The following VDAC1 variants were observed in gnomAD, a reference collection of about 807,000 sequenced individuals.
VDAC1 encodes voltage dependent anion channel 1, also known as non-selective voltage-gated ion channel VDAC1.
A neutral mutation model predicts 34.7 loss-of-function variants in VDAC1; 10 were observed. The ratio of observed to expected loss-of-function variants is 0.29; its 90% confidence interval spans 0.18 to 0.49. The LOEUF (loss-of-function observed/expected upper bound fraction) is 0.49, where lower values mean the gene tolerates loss of function less well. Ranked by LOEUF, VDAC1 falls within the 20% of genes least tolerant of loss-of-function variation. The pLI, the probability that VDAC1 is intolerant of heterozygous loss-of-function variation, is 0.99. For missense variants in VDAC1, 230 were observed against 347.9 expected (o/e 0.66, Z 2.69); for synonymous variants, 130 against 136.0 (o/e 0.96, Z 0.30).
the VDAC1 span, among the ~76,000 whole-genome samples, chr5:134,055,588 G>GTTTTTTTTTTTTTTTTTTTT: frequency 2.7e-4 from 16 of 59,612 alleles, 1 homozygote; most frequent in East Asian, 7.2e-4. Context: ...CCCCGCTAAT[G>GTTTTTTTTTTTTTTTTTTTT]TTTTTTTTTT....
chr5:133,996,497 A>G (rs537999839), intron 1 of VDAC1, among the ~76,000 whole-genome samples: 2 of 152,138 alleles, frequency 1.3e-5, no homozygotes, highest in Admixed American at 6.5e-5. Context: ...TTGGGGGTAC[A>G]CATCCTTCTT....
chr5:133,986,902 A>C (rs996644533), intron 5 of VDAC1, among the ~76,000 whole-genome samples: 3 of 152,258 alleles, frequency 2.0e-5, no homozygotes, highest in Admixed American at 1.3e-4. Flanking sequence ...AACTTGAGCG[A>C]CAAAATAAAT....
the VDAC1 span, among the ~76,000 whole-genome samples, chr5:134,048,105 C>A: frequency 6.6e-6 from 1 of 151,894 alleles, no homozygotes; most frequent in Non-Finnish European, 1.5e-5. Context: ...GTAGCTGGGA[C>A]TACAGGTGCC....
At chr5:134,020,775 CA>C in the VDAC1 span, among the ~76,000 whole-genome samples, 3 of 152,196 alleles carry the variant, frequency 2.0e-5, no homozygotes, top group African/African-American at 4.8e-5. Context: ...CTCCCGGGTT[CA>C]CGCCATTCTC....
chr5:133,977,070 G>C (rs368751182), intron 6 of VDAC1, among the ~76,000 whole-genome samples: 22 of 152,114 alleles, frequency 1.4e-4, no homozygotes, highest in East Asian at 1.3e-3. Context: ...AATAAAAAAT[G>C]TTATGGAAAG....
At chr5:134,083,275 G>A in the VDAC1 span, among the ~76,000 whole-genome samples, 11 of 147,028 alleles carry the variant, frequency 7.5e-5, no homozygotes, top group Non-Finnish European at 1.0e-4. Flanking sequence ...TGCAACTTCC[G>A]CCTCCTGGGT....
chr5:134,106,942 C>A, the VDAC1 span, among the ~76,000 whole-genome samples: 1 of 152,202 alleles, frequency 6.6e-6, no homozygotes, highest in Admixed American at 6.5e-5. Context: ...TAATCCCTCC[C>A]TCTGGTCTCT....
At chr5:134,043,196 G>A in the VDAC1 span, among the ~76,000 whole-genome samples, 1 of 152,236 alleles carries the variant, frequency 6.6e-6, no homozygotes, top group Admixed American at 6.5e-5. Context: ...AATCAATTTT[G>A]ACTGTCCAAG....
At chr5:134,062,452 T>C in the VDAC1 span, among the ~76,000 whole-genome samples, 3 of 151,948 alleles carry the variant, frequency 2.0e-5, no homozygotes, top group East Asian at 1.9e-4. Context: ...TGTGTATCTA[T>C]ATACAGTTTG....
chr5:134,084,605 T>C, the VDAC1 span, among the ~76,000 whole-genome samples: 1 of 152,248 alleles, frequency 6.6e-6, no homozygotes, highest in Non-Finnish European at 1.5e-5. Context: ...CCTGCTGTGG[T>C]TCCCATGGCT....
chr5:134,016,338 T>C, the VDAC1 span, among the ~76,000 whole-genome samples: 109 of 152,318 alleles, frequency 7.2e-4, no homozygotes, highest in Non-Finnish European at 1.4e-3. Flanking sequence ...AGAACTGGCC[T>C]GGGGCTGGAA....
chr5:133,979,399 T>C (rs1752599646), intron 6 of VDAC1, among the ~76,000 whole-genome samples: 1 of 149,592 alleles, frequency 6.7e-6, no homozygotes, highest in South Asian at 2.1e-4. Context: ...TAATTAAACA[T>C]ATAATAAAAT....
the VDAC1 span, among the ~76,000 whole-genome samples, chr5:134,053,528 A>C: frequency 1.3e-5 from 2 of 152,202 alleles, no homozygotes; most frequent in African/African-American, 2.4e-5. Context: ...CGCAGCCTGC[A>C]TGGAGTCAGA....
chr5:134,002,231 G>T (rs1222634547), intron 1 of VDAC1, among the ~76,000 whole-genome samples: 1 of 152,224 alleles, frequency 6.6e-6, no homozygotes, highest in African/African-American at 2.4e-5. Flanking sequence ...CTAGTGTTCA[G>T]CAAGGCCAGG....
chr5:134,108,705 C>G, the VDAC1 span, among the ~76,000 whole-genome samples: 1 of 152,070 alleles, frequency 6.6e-6, no homozygotes, highest in Non-Finnish European at 1.5e-5. Flanking sequence ...GAGGAATTGT[C>G]CTAGGTGGCA....
chr5:134,031,761 G>A, the VDAC1 span, among the ~76,000 whole-genome samples: 1 of 151,926 alleles, frequency 6.6e-6, no homozygotes. Context: ...GACCAGCCTG[G>A]CCAACATGGC....
At chr5:133,993,467 G>C (rs1305089750) in intron 1 of VDAC1, among the ~76,000 whole-genome samples, 1 of 152,144 alleles carries the variant, frequency 6.6e-6, no homozygotes, top group African/African-American at 2.4e-5. Context: ...GCTTTTCATG[G>C]GAACATCATT....
At chr5:134,100,236 C>T in the VDAC1 span, among the ~76,000 whole-genome samples, 8 of 152,218 alleles carry the variant, frequency 5.3e-5, no homozygotes, top group Admixed American at 3.9e-4. Flanking sequence ...AGTCAGGGCT[C>T]TCCCTGAAAG....
At chr5:134,033,688 AG>A in the VDAC1 span, among the ~76,000 whole-genome samples, 1 of 150,834 alleles carries the variant, frequency 6.6e-6, no homozygotes, top group African/African-American at 2.4e-5. Flanking sequence ...AAAAAAAAAA[AG>A]TAAAAAAAGA....
Sources: allele counts gnomAD v4.1 joint callset (sites outside exome capture counted in the v4.1 genomes callset), GRCh38; gene constraint gnomAD v4.1.1; transcripts MANE v1.5; gene names NCBI Gene and HGNC (gene_info 2026-07-23, HGNC 2026-07-21).